KITLG: variants seen among roughly 807,000 people sequenced by gnomAD.
The protein encoded by KITLG is c-Kit ligand.
A neutral mutation model predicts 34.1 loss-of-function variants in KITLG; 13 were observed. The observed-to-expected ratio is 0.38, with a 90% CI of 0.25 to 0.61. The LOEUF is 0.61. Ranked by LOEUF, KITLG falls within the 20% of genes least tolerant of loss-of-function variation. The pLI is 0.60. For missense variants in KITLG, 292 were observed against 318.9 expected, an observed-to-expected ratio of 0.92 and a Z score of 0.64; for synonymous variants, 110 against 104.0, an observed-to-expected ratio of 1.06 and a Z score of -0.35.
intron 3 of KITLG, among the ~76,000 whole-genome samples, chr12:88,532,141 T>G (rs1870117768): frequency 6.6e-6 from 1 of 152,068 alleles, no homozygotes; most frequent in African/African-American, 2.4e-5. Context: ...TTGGGTATCC[T>G]GATGGTGGAG....
Position 88,494,511 on chromosome 12 carries a change from T to TA in KITLG, c.*2707dup, listed in dbSNP as rs1264396719. 1.3e-5 allele frequency: 2 copies of TA among 152,466 alleles called. No homozygotes were observed. Among genetic ancestry groups the TA allele is most frequent in the African/African-American group, 4.8e-5 (2 of 41,434 alleles). The allele number at this position is 152,466 out of a possible 1,614,324, so 9.4% of individuals were successfully genotyped here. ...TCACATACTTTTTAAGAGAATAGGCTACTTGTTCTATTATTGTATTGAAGA... is the reference window on the plus strand; with the variant it reads ...TCACATACTTTTTAAGAGAATAGGCTAACTTGTTCTATTATTGTATTGAAGA... On this transcript the variant is annotated 3_prime_UTR_variant, in exon 10 of 10. Transcript: ENST00000644744.
At chr12:88,564,466 C>T (rs1334300489) in intron 1 of KITLG, 2 of 152,230 alleles carry the variant, frequency 1.3e-5, no homozygotes, top group East Asian at 1.9e-4. Flanking sequence ...GAGAGGGACT[C>T]GTGAGCAATA....
chr12:88,501,146 T>C (rs935692482), intron 9 of KITLG, among the ~76,000 whole-genome samples: 1 of 152,160 alleles, frequency 6.6e-6, no homozygotes, highest in Non-Finnish European at 1.5e-5. Flanking sequence ...CCACGTTTGT[T>C]CCTTGTAGTT....
At chr12:88,556,739 T>A (rs1005468788) in intron 1 of KITLG, among the ~76,000 whole-genome samples, 1 of 152,094 alleles carries the variant, frequency 6.6e-6, no homozygotes, top group African/African-American at 2.4e-5. Context: ...CATAGATAGA[T>A]ACCATTCTAT....
intron 1 of KITLG, among the ~76,000 whole-genome samples, chr12:88,562,930 T>C (rs1871341452): frequency 1.3e-5 from 2 of 152,110 alleles, no homozygotes; most frequent in African/African-American, 2.4e-5. Flanking sequence ...TTCTTTCCTT[T>C]ATTGACAAAA....
In KITLG at chr12:88,518,729, G is replaced by A. The variant is rs1316936712; in HGVS notation, c.331C>T (p.Leu111Phe). The change falls in exon 4 of 10, where the codon CTT becomes TTT. Residue 111 changes from leucine (L) to phenylalanine (F), a missense_variant. Physicochemically the swap from Leu to Phe is conservative, Grantham distance 22 (BLOSUM62 0). This residue lies in a region of KITLG where 152 missense variants were observed against 207.9 expected (regional missense o/e 0.73). Coordinates refer to ENST00000644744, the MANE Select transcript of KITLG (RefSeq NM_000899.5). ...IDKLVNIVDD[L>F]VECVKENSSK... The stretch of plus-strand genomic sequence containing the variant: ...GAGTTTTCTTTCACGCACTCCACAA[G>A]GTCATCCACTATATTCACAAGTTTG... 1 of 1,613,368 alleles carries A rather than the reference G, an allele frequency of 6.2e-7. No individual in the cohort carries two copies. Among genetic ancestry groups the A allele is most frequent in the Admixed American group, 1.7e-5 (1 of 59,964 alleles).
intron 3 of KITLG, among the ~76,000 whole-genome samples, chr12:88,519,253 G>GAGGAGGAGGGACTATTGTAAT (rs1370633776): frequency 6.6e-5 from 10 of 152,130 alleles, no homozygotes; most frequent in African/African-American, 2.4e-4. Context: ...AGTGTGACAG[G>GAGGAGGAGGGACTATTGTAAT]AGGAGGAGGG....
chr12:88,518,069 C>T lies in KITLG; in HGVS notation c.363+628G>A, dbSNP rs142605986. ...AAAGTACTCATGGCAAATAACCTAA[C>T]GTCGACCCTGTTAGATGAATTCTGG... On this transcript the variant is annotated intron_variant, in intron 4 of 9. Coordinates refer to ENST00000644744, the MANE Select transcript of KITLG (RefSeq NM_000899.5). Among the ~76,000 whole-genome samples, 343 of 152,200 alleles carry T rather than the reference C, an allele frequency of 2.3e-3. 1 individual carries two copies. The highest frequency in any genetic ancestry group is 3.8e-3 in the Non-Finnish European group (260 of 67,996).
At chr12:88,508,135 C>T (rs990293143) in intron 6 of KITLG, among the ~76,000 whole-genome samples, 2 of 151,616 alleles carry the variant, frequency 1.3e-5, no homozygotes, top group African/African-American at 4.9e-5. Context: ...CGTAATGAGC[C>T]GAGATCATGT....
chr12:88,575,538 C>T (rs1226212026), intron 1 of KITLG, among the ~76,000 whole-genome samples: 1 of 152,182 alleles, frequency 6.6e-6, no homozygotes, highest in Admixed American at 6.5e-5. Context: ...AAGGCAAACA[C>T]ATCTTGCTGC....
chr12:88,519,296 A>C (rs758732661), intron 3 of KITLG, among the ~76,000 whole-genome samples: 6 of 152,174 alleles, frequency 3.9e-5, no homozygotes, highest in Non-Finnish European at 5.9e-5. Flanking sequence ...CTCTTGTAAC[A>C]GGAGGAGGAG....
chr12:88,564,159 A>T (rs1871374274), intron 1 of KITLG: 1 of 152,196 alleles, frequency 6.6e-6, no homozygotes, highest in Non-Finnish European at 1.5e-5. Flanking sequence ...ACTTGGGAAG[A>T]TTATTTTGCT....
chr12:88,562,821 C>A (rs529466137), intron 1 of KITLG, among the ~76,000 whole-genome samples: 1 of 152,168 alleles, frequency 6.6e-6, no homozygotes, highest in African/African-American at 2.4e-5. Flanking sequence ...TTGAAAAATG[C>A]TTCTCCTGGT....
Position 88,518,805 on chromosome 12 carries a change from C to T in KITLG, c.255G>A (p.Leu85=). 1.2e-6 allele frequency: 2 copies of T among 1,613,490 alleles called. No individual in the cohort carries two copies. The highest frequency in any genetic ancestry group is 2.2e-5 in the East Asian group (1 of 44,796). The part of the protein sequence containing the change: ...VQLSDSLTDL[L]DKFSNISEGL... Reference sequence around the variant, plus strand: ...CTTCAGAAATATTTGAAAACTTGTCCAGAAGATCAGTCAAGCTGTCTGACA... The same window carrying T: ...CTTCAGAAATATTTGAAAACTTGTCTAGAAGATCAGTCAAGCTGTCTGACA... The change falls in exon 4 of 10, where the codon CTG becomes CTA. Residue 85 remains leucine, a synonymous_variant. Coordinates refer to ENST00000644744, the MANE Select transcript of KITLG (RefSeq NM_000899.5).
intron 1 of KITLG, 172 bp downstream of exon 1, chr12:88,580,092 G>A (rs1022975942): frequency 1.8e-4 from 127 of 691,946 alleles, no homozygotes; most frequent in Non-Finnish European, 2.6e-4. Context: ...GGCTCACCCG[G>A]CTCGGCTCGG....
chr12:88,545,970 T>C (rs1870706667), intron 1 of KITLG, 105 bp from the exon 2 acceptor site: 4 of 764,234 alleles, frequency 5.2e-6, no homozygotes, highest in Non-Finnish European at 9.5e-6. Context: ...CAGTCTAATA[T>C]ATGTTATTGG....
intron 3 of KITLG, among the ~76,000 whole-genome samples, 156 bp downstream of exon 3, chr12:88,532,285 G>GA (rs1368563224): frequency 2.6e-5 from 4 of 151,182 alleles, no homozygotes; most frequent in East Asian, 3.9e-4. Flanking sequence ...TTAAGAGGGG[G>GA]AAAAAAAAGC....
At chr12:88,570,537 C>CAA (rs3057318) in intron 1 of KITLG, among the ~76,000 whole-genome samples, 2,587 of 148,828 alleles carry the variant, frequency 0.017, 34 homozygotes, top group African/African-American at 0.03. Flanking sequence ...ACAACAACAA[C>CAA]AAAAAAAAAA....
chr12:88,546,735 T>C (rs73439034), intron 1 of KITLG, among the ~76,000 whole-genome samples: 1,660 of 152,280 alleles, frequency 0.011, 32 homozygotes, highest in African/African-American at 0.038. Context: ...TATATCCTGA[T>C]GCTCAAATTC....
Sources: allele counts gnomAD v4.1 joint callset (sites outside exome capture counted in the v4.1 genomes callset), GRCh38; gene constraint gnomAD v4.1.1; regional missense constraint gnomAD v4.1.1; transcripts MANE v1.5; gene names NCBI Gene and HGNC (gene_info 2026-07-23, HGNC 2026-07-21).